PLCL1: variants seen among roughly 807,000 people sequenced by gnomAD.
The protein encoded by PLCL1 is inactive phospholipase C-like protein 1.
PLCL1 carries 41 observed loss-of-function variants against 84.4 expected under a neutral mutation model. The observed-to-expected ratio is 0.49, with a 90% confidence interval of 0.38 to 0.63. The LOEUF (loss-of-function observed/expected upper bound fraction) is 0.63, where lower values mean the gene tolerates loss of function less well. PLCL1 is among the 30% of genes least tolerant of loss of function. The pLI, the probability that PLCL1 is intolerant of heterozygous loss-of-function variation, is 0.00. For synonymous variants in PLCL1, 490 were observed against 488.3 expected (o/e 1.00, Z -0.05); for missense variants, 1,206 against 1,367.8 (o/e 0.88, Z 1.87).
intron 1 of PLCL1, among the ~76,000 whole-genome samples, chr2:197,910,579 A>G (rs1203140308): frequency 1.3e-5 from 2 of 152,180 alleles, no homozygotes; most frequent in Admixed American, 6.5e-5. Flanking sequence ...TCTCTTCTCT[A>G]CTTGATGGTC....
Position 198,147,710 on chromosome 2 carries a change from C to A in PLCL1, c.*748C>A, listed in dbSNP as rs1694559657. 2 of 152,202 alleles carry A rather than the reference C, an allele frequency of 1.3e-5. No individual in the cohort carries two copies. The highest frequency in any genetic ancestry group is 2.4e-5 in the African/African-American group (1 of 41,440). 9.4% of individuals were successfully genotyped at this position (152,202 alleles called of 1,614,324 possible). The stretch of plus-strand genomic sequence containing the variant: ...AAAGCTGATCATAAGTGAATTTATA[C>A]CTACCTGTGTGGTACTCTGAAACAC... On this transcript the variant is annotated 3_prime_UTR_variant, in exon 6 of 6. Coordinates refer to ENST00000428675, the MANE Select transcript of PLCL1 (RefSeq NM_006226.4).
intron 1 of PLCL1, among the ~76,000 whole-genome samples, chr2:197,883,563 T>C (rs567569410): frequency 6.6e-6 from 1 of 152,194 alleles, no homozygotes; most frequent in East Asian, 1.9e-4. Context: ...TGACTCAGGG[T>C]TGGAGTATGT....
intron 1 of PLCL1, among the ~76,000 whole-genome samples, chr2:197,825,891 A>G (rs188046918): frequency 1.3e-5 from 2 of 152,384 alleles, no homozygotes; most frequent in East Asian, 3.9e-4. Flanking sequence ...TATATCTGTT[A>G]TATATTTTAG....
At chr2:198,021,591 T>C (rs1691135586) in intron 1 of PLCL1, among the ~76,000 whole-genome samples, 1 of 152,158 alleles carries the variant, frequency 6.6e-6, no homozygotes, top group Non-Finnish European at 1.5e-5. Context: ...AAATACAAAC[T>C]ACCATCGGAG....
At chr2:198,043,411 G>A (rs963236529) in intron 1 of PLCL1, among the ~76,000 whole-genome samples, 1 of 152,198 alleles carries the variant, frequency 6.6e-6, no homozygotes, top group African/African-American at 2.4e-5. Context: ...TACTGGGTAG[G>A]TGAAGTCCTG....
chr2:198,136,661 T>C (rs780818516), intron 5 of PLCL1, among the ~76,000 whole-genome samples: 5 of 152,116 alleles, frequency 3.3e-5, no homozygotes, highest in African/African-American at 4.8e-5. Flanking sequence ...TCATGGGTGC[T>C]GCAAGGAGAA....
At chr2:197,887,310 G>A (rs1687940731) in intron 1 of PLCL1, among the ~76,000 whole-genome samples, 1 of 152,154 alleles carries the variant, frequency 6.6e-6, no homozygotes, top group African/African-American at 2.4e-5. Flanking sequence ...TGAGGGAGGG[G>A]AGACATTTGA....
intron 1 of PLCL1, among the ~76,000 whole-genome samples, chr2:197,951,188 T>C (rs980956171): frequency 3.3e-5 from 5 of 152,200 alleles, no homozygotes; most frequent in Non-Finnish European, 5.9e-5. Context: ...ATACATGTTT[T>C]CATGCCATAC....
At chr2:198,062,560 T>G (rs1470211095) in intron 1 of PLCL1, among the ~76,000 whole-genome samples, 1 of 152,206 alleles carries the variant, frequency 6.6e-6, no homozygotes, top group African/African-American at 2.4e-5. Context: ...AAAATTCAAG[T>G]GCTGAAAAAA....
chr2:198,062,626 A>C (rs1447294879), intron 1 of PLCL1, among the ~76,000 whole-genome samples: 1 of 152,172 alleles, frequency 6.6e-6, no homozygotes, highest in Non-Finnish European at 1.5e-5. Context: ...ATTAAATGCA[A>C]TGTCTAGTTT....
At chr2:197,950,466 A>G (rs968578065) in intron 1 of PLCL1, among the ~76,000 whole-genome samples, 2 of 152,138 alleles carry the variant, frequency 1.3e-5, no homozygotes, top group African/African-American at 4.8e-5. Context: ...TGTTTTTCAA[A>G]GACCATATAT....
chr2:197,932,583 T>G (rs1233596455), intron 1 of PLCL1, among the ~76,000 whole-genome samples: 2 of 152,178 alleles, frequency 1.3e-5, no homozygotes, highest in Non-Finnish European at 2.9e-5. Context: ...TGTGTTTTCA[T>G]TGTTCAGCTT....
At chr2:198,092,895 C>A (rs568266350) in intron 3 of PLCL1, among the ~76,000 whole-genome samples, 11 of 152,308 alleles carry the variant, frequency 7.2e-5, no homozygotes, top group South Asian at 4.1e-4. Context: ...AGCACGTTAT[C>A]AGGTAATGTT....
At chr2:197,901,469 C>T (rs2105736808) in intron 1 of PLCL1, among the ~76,000 whole-genome samples, 1 of 152,230 alleles carries the variant, frequency 6.6e-6, no homozygotes, top group South Asian at 2.1e-4. Context: ...TTGGATCTTG[C>T]ATGAGATTTT....
chr2:198,019,689 G>A (rs116046984), intron 1 of PLCL1, among the ~76,000 whole-genome samples: 30,262 of 152,024 alleles, frequency 0.2, 3,092 homozygotes, highest in East Asian at 0.26. Flanking sequence ...ATTAGAGAAA[G>A]AAAGAATGAA....
chr2:197,958,816 G>A (rs979811630), intron 1 of PLCL1, among the ~76,000 whole-genome samples: 6 of 151,968 alleles, frequency 3.9e-5, no homozygotes, highest in African/African-American at 1.4e-4. Flanking sequence ...CAGGAGCTAT[G>A]TAACTTGTCC....
intron 1 of PLCL1, among the ~76,000 whole-genome samples, chr2:197,954,916 T>A (rs1209306931): frequency 6.6e-6 from 1 of 152,062 alleles, no homozygotes; most frequent in African/African-American, 2.4e-5. Flanking sequence ...TTAAAAAGTA[T>A]TTTAAGAATT....
chr2:198,005,754 A>G lies in PLCL1; in HGVS notation c.241-78004A>G, dbSNP rs371289173. 3.1e-4 allele frequency among the ~76,000 whole-genome samples: 47 copies of G among 152,326 alleles called. 1 individual carries two copies. Among genetic ancestry groups the G allele is most frequent in the African/African-American group, 1.1e-3 (45 of 41,582 alleles). ...GTTGCAGGCAACTCGCCTGAGGTGG[A>G]GAGGCAAGGCTGGTGACAGGGGCAG... On this transcript the variant is annotated intron_variant, in intron 1 of 5. Coordinates refer to ENST00000428675, the MANE Select transcript of PLCL1 (RefSeq NM_006226.4).
At chr2:197,975,054 T>C (rs1337514703) in intron 1 of PLCL1, among the ~76,000 whole-genome samples, 2 of 142,202 alleles carry the variant, frequency 1.4e-5, no homozygotes, top group African/African-American at 5.3e-5. Flanking sequence ...GGCAGGAGAA[T>C]GGCGTGAACC....
Sources: allele counts gnomAD v4.1 joint callset (sites outside exome capture counted in the v4.1 genomes callset), GRCh38; gene constraint gnomAD v4.1.1; transcripts MANE v1.5; gene names NCBI Gene and HGNC (gene_info 2026-07-23, HGNC 2026-07-21).